IQSEC1: variants seen among roughly 807,000 people sequenced by gnomAD.
The protein encoded by IQSEC1 is IQ motif and SEC7 domain-containing protein 1.
IQSEC1 carries 31 observed loss-of-function variants against 91.0 expected under a neutral mutation model. The observed-to-expected ratio is 0.34, with a 90% CI of 0.26 to 0.46. The LOEUF (loss-of-function observed/expected upper bound fraction) is 0.46. IQSEC1 is among the 20% of genes least tolerant of loss of function. IQSEC1 has a pLI of 1.00. For missense variants in IQSEC1, 1,388 were observed against 1,575.6 expected, an observed-to-expected ratio of 0.88 and a Z score of 2.02; for synonymous variants, 699 against 662.6, an observed-to-expected ratio of 1.05 and a Z score of -0.84.
chr3:12,936,457 T>C lies in IQSEC1; in HGVS notation c.559A>G (p.Asn187Asp), dbSNP rs746511594. 1 of 1,608,978 alleles carries C rather than the reference T, an allele frequency of 6.2e-7. No individual in the cohort carries two copies. The highest frequency in any genetic ancestry group is 8.5e-7 in the Non-Finnish European group (1 of 1,176,570). Residue 187 changes from asparagine to aspartate, a missense_variant, in exon 3 of 14, where the codon AAC becomes GAC. Physicochemically the swap from Asn to Asp is conservative, Grantham distance 23. This residue lies in a region of IQSEC1 where 1,059 missense variants were observed against 1,317.8 expected (regional missense o/e 0.80). Transcript: ENST00000613206. ...YFEGKQVSVT[N>D]DGSQLGALVS... ...AGGGCTCCCAGCTGGGAGCCGTCGT[T>C]AGTCACTGAGACCTGCTTCCCCTCG...
At chr3:13,013,769 G>A (rs1001388812) in intron 1 of IQSEC1, among the ~76,000 whole-genome samples, 5 of 152,218 alleles carry the variant, frequency 3.3e-5, no homozygotes, top group African/African-American at 9.7e-5. Context: ...AGACAAGACA[G>A]TACTTGGCAC....
rs57239903 is a variant in IQSEC1, at chr3:13,165,537, C to CGTGTGTGTGT, written c.273-1414_273-1405dup. 7.5e-4 allele frequency among the ~76,000 whole-genome samples: 50 copies of CGTGTGTGTGT among 66,658 alleles called. 1 individual carries two copies. The highest frequency in any genetic ancestry group is 1.5e-3 in the African/African-American group (26 of 17,582). The allele number at this position is 66,658 out of a possible 152,430, so 43.7% of individuals were successfully genotyped here. A position where few individuals can be genotyped will look rare whatever the true frequency, so the allele number is the denominator to read the frequency against. ...GGGGGGGTGGGGGGTGGGGGGGTGG[C>CGTGTGTGTGT]GTGTGTGTGTGTGTGTGTGTGTGTG... is the stretch of plus-strand genomic sequence containing the variant. On this transcript the variant is annotated intron_variant, in intron 1 of 15. Transcript: ENST00000648114.
At chr3:13,116,378 G>A (rs889423595) in intron 2 of IQSEC1, among the ~76,000 whole-genome samples, 1 of 152,208 alleles carries the variant, frequency 6.6e-6, no homozygotes, top group Non-Finnish European at 1.5e-5. Flanking sequence ...ATAAATGAAT[G>A]GGTGTGGCTG....
chr3:13,104,048 T>C (rs1316950649), intron 2 of IQSEC1, among the ~76,000 whole-genome samples: 1 of 152,052 alleles, frequency 6.6e-6, no homozygotes, highest in African/African-American at 2.4e-5. Flanking sequence ...GTCATGGAGC[T>C]GAGATTCGAA....
chr3:13,273,098 T>C (rs1395922932), intron 1 of IQSEC1, among the ~76,000 whole-genome samples: 1 of 152,132 alleles, frequency 6.6e-6, no homozygotes, highest in Non-Finnish European at 1.5e-5. Flanking sequence ...TAACCCCATT[T>C]TACAGGTGAG....
intron 10 of IQSEC1, 58 bp downstream of exon 10, chr3:12,911,571 A>T: frequency 7.6e-7 from 1 of 1,309,998 alleles, no homozygotes. Context: ...AGCAGCCAGG[A>T]GAAAGAGCGT....
chr3:13,276,520 C>A (rs1695684398), intron 1 of IQSEC1, among the ~76,000 whole-genome samples: 2 of 152,174 alleles, frequency 1.3e-5, no homozygotes, highest in African/African-American at 4.8e-5. Flanking sequence ...GGAGAGACAG[C>A]AACTCAGAGA....
At chr3:13,208,513 C>T (rs557904144) in intron 1 of IQSEC1, among the ~76,000 whole-genome samples, 1 of 152,286 alleles carries the variant, frequency 6.6e-6, no homozygotes, top group Admixed American at 6.5e-5. Context: ...GGGACACCTC[C>T]TTTTATCTCC....
At chr3:13,061,488 G>T (rs1435921953) in intron 1 of IQSEC1, among the ~76,000 whole-genome samples, 1 of 152,192 alleles carries the variant, frequency 6.6e-6, no homozygotes, top group African/African-American at 2.4e-5. Context: ...CAGCCCAGTG[G>T]TGCAGCTGGA....
rs535544426 is a variant in IQSEC1, at chr3:13,245,016, A to G, written c.272+37695T>C. Among the ~76,000 whole-genome samples the G allele has an allele frequency of 7.2e-5, 11 of 152,354 alleles. No homozygotes were observed. The South Asian group carries it at 2.3e-3, about 32-fold the overall frequency. On this transcript the variant is annotated intron_variant, in intron 1 of 15. Transcript: ENST00000648114. ...TGTGTATCTGCTAGCTAGGGCCACT[A>G]TGATGCTACAAACAAACTGCCCCAA...
intron 1 of IQSEC1, among the ~76,000 whole-genome samples, chr3:12,951,084 C>G (rs1028404077): frequency 6.6e-6 from 1 of 152,108 alleles, no homozygotes. Context: ...GTACTCCAGC[C>G]TGGGCCACAG....
At chr3:13,032,468 T>G (rs1703879145) in intron 1 of IQSEC1, among the ~76,000 whole-genome samples, 1 of 152,210 alleles carries the variant, frequency 6.6e-6, no homozygotes, top group Admixed American at 6.5e-5. Context: ...GGCCAGCAAC[T>G]GCACTGCACG....
intron 6 of IQSEC1, among the ~76,000 whole-genome samples, chr3:12,919,106 A>C (rs1035783741): frequency 2.1e-5 from 1 of 46,914 alleles, no homozygotes; most frequent in Non-Finnish European, 4.3e-5. Context: ...GATGTAGAGG[A>C]GGCCCGGCCT....
intron 2 of IQSEC1, among the ~76,000 whole-genome samples, chr3:13,111,010 A>C (rs553090879): frequency 1.3e-5 from 2 of 152,206 alleles, no homozygotes; most frequent in South Asian, 4.1e-4. Flanking sequence ...AGAGTTCAGA[A>C]AGTGGGTGAG....
Position 12,913,441 on chromosome 3 carries a change from T to C in IQSEC1, c.2303A>G (p.Asn768Ser). ...GLHQREIFLF[N>S]DLLVVTKIFQ... The stretch of plus-strand genomic sequence containing the variant: ...TGAGCCACATACCACCAGGAGGTCG[T>C]TGAACAGGAAGATTTCTCGCTGGTG... Residue 768 changes from asparagine (N) to serine (S), a missense_variant, in exon 9 of 14, where the codon AAC (asparagine) becomes AGC (serine). Physicochemically the swap from Asn to Ser is conservative, Grantham distance 46. This residue lies in a region of IQSEC1 where 1,059 missense variants were observed against 1,317.8 expected (regional missense o/e 0.80). Transcript: ENST00000613206. 1 of 1,600,100 alleles carries C rather than the reference T, an allele frequency of 6.2e-7. No individual in the cohort carries two copies. Among genetic ancestry groups the C allele is most frequent in the Non-Finnish European group, 8.5e-7 (1 of 1,171,786 alleles).
intron 2 of IQSEC1, among the ~76,000 whole-genome samples, chr3:13,137,488 A>G (rs1321172133): frequency 2.0e-5 from 3 of 152,238 alleles, no homozygotes; most frequent in African/African-American, 4.8e-5. Context: ...GAAACACTAT[A>G]TCATCTCAAC....
chr3:13,037,160 G>GGCTTTC (rs1392033372), intron 1 of IQSEC1, among the ~76,000 whole-genome samples: 5 of 152,132 alleles, frequency 3.3e-5, no homozygotes, highest in Non-Finnish European at 7.4e-5. Flanking sequence ...TTTCAATATT[G>GGCTTTC]AGTGTAGAAA....
chr3:13,043,045 G>A (rs922130311), intron 1 of IQSEC1, among the ~76,000 whole-genome samples: 13 of 152,144 alleles, frequency 8.5e-5, no homozygotes, highest in African/African-American at 1.7e-4. Flanking sequence ...TGACAGGGTC[G>A]CCCAGCGCCT....
At chr3:13,280,157 T>C (rs1367272498) in intron 1 of IQSEC1, among the ~76,000 whole-genome samples, 2 of 152,238 alleles carry the variant, frequency 1.3e-5, no homozygotes, top group Non-Finnish European at 2.9e-5. Context: ...ACTTGTCCCA[T>C]GGTCACCGGC....
Sources: gnomAD v4.1 joint callset for allele counts (sites outside exome capture counted in the v4.1 genomes callset) on GRCh38, gnomAD v4.1.1 for gene constraint, gnomAD v4.1.1 regional missense constraint, MANE v1.5 for transcripts, NCBI Gene and HGNC (gene_info 2026-07-23, HGNC 2026-07-21) for gene names.